Variants in THBS2 observed in about 807,000 individuals in gnomAD.
THBS2 encodes thrombospondin 2.
Under a neutral mutation model 135.2 loss-of-function variants are expected in THBS2, and 47 were observed. That is an observed-to-expected ratio of 0.35 (90% CI 0.28 to 0.44). THBS2 has a LOEUF of 0.44. Among genes scored for constraint, THBS2 ranks in the 20% least tolerant of loss-of-function variants. THBS2 has a pLI of 1.00. For synonymous variants in THBS2, 639 were observed against 633.8 expected, an observed-to-expected ratio of 1.01 and a Z score of -0.12; for missense variants, 1,288 against 1,603.1, an observed-to-expected ratio of 0.80 and a Z score of 3.36.
rs9505950 is a variant in THBS2 at position 169,222,817 on chromosome 6, G to A, written c.3002-349C>T. Among the ~76,000 whole-genome samples, 439 of 126,856 alleles carry A rather than the reference G, an allele frequency of 3.5e-3. 2 individuals carry two copies. The highest frequency in any genetic ancestry group is 0.012 in the African/African-American group (418 of 34,364). The allele number at this position is 126,856 out of a possible 152,430, so 83.2% of individuals were successfully genotyped here. A position where few individuals can be genotyped will look rare whatever the true frequency, so the allele number is the denominator to read the frequency against. ...CTCAAAAAAAAAAAAAGAAAAAAAA[G>A]AAAAAAAAAAGAAACAGGTTTCAGG... On this transcript the variant is annotated intron_variant, in intron 18 of 21. Coordinates refer to ENST00000617924, the MANE Select transcript of THBS2 (RefSeq NM_003247.5).
In THBS2 at chr6:169,252,305, T is replaced by A. The variant is rs1038450756; in HGVS notation, c.-23+1419A>T. 1.3e-5 allele frequency among the ~76,000 whole-genome samples: 2 copies of A among 152,102 alleles called. No homozygotes were observed. Among genetic ancestry groups the A allele is most frequent in the Non-Finnish European group, 2.9e-5 (2 of 68,018 alleles). The stretch of plus-strand genomic sequence containing the variant: ...AGCTTAGAACAGTACCTGCATGCAG[T>A]AAGCACCACAGAACGGTGTTAGAAT... On this transcript the variant is annotated intron_variant, in intron 1 of 21. Coordinates refer to ENST00000617924, the MANE Select transcript of THBS2 (RefSeq NM_003247.5). This position sits in a 1 kb window ranked among gnomAD's most constrained non-coding sequence, Gnocchi z 4.3.
intron 1 of THBS2, 67 bp downstream of exon 1, chr6:169,253,657 G>A (rs1190935881): frequency 6.6e-6 from 1 of 152,160 alleles, no homozygotes; most frequent in Non-Finnish European, 1.5e-5. Flanking sequence ...CTTAGAGTTC[G>A]AGAACTCTAA....
chr6:169,218,636 A>C (rs1470397150), intron 21 of THBS2, among the ~76,000 whole-genome samples: 7 of 88,504 alleles, frequency 7.9e-5, no homozygotes, highest in Admixed American at 7.3e-4. Context: ...GATGGATGAG[A>C]TGGATGGTTG....
chr6:169,239,847 T>G (rs966370724), intron 6 of THBS2, 152 bp from the exon 7 acceptor site: 7 of 654,100 alleles, frequency 1.1e-5, no homozygotes, highest in Non-Finnish European at 1.8e-5. Flanking sequence ...GGGCATCTTT[T>G]TCTCCCATTA....
chr6:169,236,396 A>C, intron 9 of THBS2, among the ~76,000 whole-genome samples: 1 of 73,012 alleles, frequency 1.4e-5, no homozygotes, highest in Non-Finnish European at 2.6e-5. Flanking sequence ...CCCCATCCAC[A>C]CTCATTCCCC....
Position 169,234,836 on chromosome 6 carries a change from G to T in THBS2, c.1549C>A (p.Arg517Ser), listed in dbSNP as rs762558916. ...TVTCAGGIRE[R>S]TRVCNSPEPQ... is the part of the protein sequence containing the mutation. The stretch of plus-strand genomic sequence containing the variant: ...TCAGGGCTGTTGCAGACCCGGGTGC[G>T]CTCCCGGATCCCACCGGCACAGGTG... The change falls in exon 10 of 22, where the codon CGC (arginine) becomes AGC (serine). Residue 517 changes from arginine (R) to serine (S), a missense_variant. By Grantham distance (110) the Arg-to-Ser change is moderately radical. Coordinates refer to ENST00000617924, the MANE Select transcript of THBS2 (RefSeq NM_003247.5). 1 of 1,613,052 alleles carries T rather than the reference G, an allele frequency of 6.2e-7. No individual in the cohort carries two copies. Among genetic ancestry groups the T allele is most frequent in the South Asian group, 1.1e-5 (1 of 91,002 alleles).
intron 7 of THBS2, among the ~76,000 whole-genome samples, chr6:169,238,365 C>A (rs1401376238): frequency 1.3e-5 from 2 of 152,096 alleles, no homozygotes; most frequent in Non-Finnish European, 2.9e-5. Flanking sequence ...CAACCTGACG[C>A]CAGAAATCAT....
rs1780309129 is a variant in THBS2 at position 169,241,789 on chromosome 6, G to A, written c.864C>T (p.Asn288=). Residue 288 remains asparagine (N), a synonymous_variant, in exon 5 of 22, where the codon AAC becomes AAT. Transcript: ENST00000617924. The surrounding 1 kb of genome is among the most constrained non-coding windows in gnomAD (Gnocchi z 5.5). ...QELSGLHVLV[N]QLSENLKRVS... is the part of the protein sequence containing the mutation. ...CTCTCTTGAGGTTCTCGCTGAGCTG[G>A]TTCACGAGGACGTGGAGCCCCGAGA... 1.2e-6 allele frequency: 2 copies of A among 1,611,356 alleles called. No homozygotes were observed. Among genetic ancestry groups the A allele is most frequent in the South Asian group, 2.2e-5 (2 of 90,984 alleles).
At chr6:169,231,890 G>A (rs1779847604) in intron 13 of THBS2, 90 bp downstream of exon 13, 2 of 1,394,534 alleles carry the variant, frequency 1.4e-6, no homozygotes, top group Non-Finnish European at 9.7e-7. Flanking sequence ...TCCCTGTGCT[G>A]CCCCCGCCCC....
rs902478120 is a variant in THBS2, at chr6:169,241,161, C to T, written c.892-569G>A. 1.3e-5 allele frequency among the ~76,000 whole-genome samples: 2 copies of T among 152,102 alleles called. No homozygotes were observed. The highest frequency in any genetic ancestry group is 2.9e-5 in the Non-Finnish European group (2 of 68,034). ...ACGAGTGACAGTCAGCATCACTGCA[C>T]CCTGGTTAGCCATGTGTATGTTGTG... is the stretch of plus-strand genomic sequence containing the variant. On this transcript the variant is annotated intron_variant, in intron 5 of 21. Coordinates refer to ENST00000617924, the MANE Select transcript of THBS2 (RefSeq NM_003247.5). The surrounding 1 kb of genome is among the most constrained non-coding windows in gnomAD (Gnocchi z 5.5).
intron 17 of THBS2, among the ~76,000 whole-genome samples, chr6:169,224,606 C>A (rs78109196): frequency 0.095 from 14,393 of 152,226 alleles, 750 homozygotes; most frequent in South Asian, 0.12. Context: ...CACAGCTGTG[C>A]CCTTGTTTAT....
intron 20 of THBS2, among the ~76,000 whole-genome samples, chr6:169,220,686 T>C (rs1779392781): frequency 6.6e-6 from 1 of 152,204 alleles, no homozygotes; most frequent in South Asian, 2.1e-4. Flanking sequence ...TACTTCACCT[T>C]GTGCTAAAAC....
intron 3 of THBS2, among the ~76,000 whole-genome samples, 193 bp downstream of exon 3, chr6:169,248,224 G>A (rs987894478): frequency 2.0e-5 from 3 of 152,010 alleles, no homozygotes; most frequent in Non-Finnish European, 4.4e-5. Flanking sequence ...CTGTGGCTGC[G>A]TGTGGTGGGC....
In THBS2 at chr6:169,223,759, C is replaced by T. The variant is rs74674117; in HGVS notation, c.2774-284G>A. ...AAGCCATTTCTCACCGTGTTCCAAA[C>T]TCAATGCTGCAGGTATAAAACCTGA... On this transcript the variant is annotated intron_variant, in intron 17 of 21. Coordinates refer to ENST00000617924, the MANE Select transcript of THBS2 (RefSeq NM_003247.5). Among the ~76,000 whole-genome samples the T allele has an allele frequency of 3.9e-5, 6 of 152,328 alleles. No individual in the cohort carries two copies. The East Asian group carries it at 1.2e-3, about 29-fold the overall frequency.
At chr6:169,225,095 T>A in intron 17 of THBS2, 50 bp downstream of exon 17, 1 of 1,576,152 alleles carries the variant, frequency 6.3e-7, no homozygotes, top group Non-Finnish European at 8.7e-7. Flanking sequence ...CCCTGGCGGG[T>A]TGCTCAGAAG....
chr6:169,240,715 C>T, intron 5 of THBS2, 123 bp from the exon 6 acceptor site: 1 of 1,283,188 alleles, frequency 7.8e-7, no homozygotes, highest in Non-Finnish European at 1.1e-6. Flanking sequence ...TAAGACTTGA[C>T]TCATCCCTGG....
rs201343909 is a variant in THBS2 at position 169,228,123 on chromosome 6, G to A, written c.2418C>T (p.Asp806=). 94 of 1,608,436 alleles carry A rather than the reference G, an allele frequency of 5.8e-5. No individual in the cohort carries two copies. The highest frequency in any genetic ancestry group is 7.7e-5 in the Non-Finnish European group (91 of 1,178,542). The part of the protein sequence containing the change: ...GDACSVDIDG[D]DVFNERDNCP... ...ATGGGAAGGAGCAGAAGCACCCACC[G>A]TCCCCATCAATGTCCACGGAGCAGG... The change falls in exon 15 of 22, where the codon GAC becomes GAT. Residue 806 remains aspartate (D), a splice_region_variant and synonymous_variant. Coordinates refer to ENST00000617924, the MANE Select transcript of THBS2 (RefSeq NM_003247.5).
rs376187789 is a variant in THBS2 at position 169,223,231 on chromosome 6, G to A, written c.3001+17C>T. 5.5e-5 allele frequency: 88 copies of A among 1,603,040 alleles called. No individual in the cohort carries two copies. The East Asian group carries it at 1.5e-3, about 28-fold the overall frequency. ...CCGGAGAAATGCTGGCACCACCGCCGTGTCTCAGAGACTCACCTACAGCGA... is the reference window on the plus strand; with the variant it reads ...CCGGAGAAATGCTGGCACCACCGCCATGTCTCAGAGACTCACCTACAGCGA... On this transcript the variant is annotated intron_variant, in intron 18 of 21. Transcript: ENST00000617924.
At chr6:169,219,320 A>G (rs1429347126) in intron 21 of THBS2, among the ~76,000 whole-genome samples, 9 of 48,648 alleles carry the variant, frequency 1.9e-4, no homozygotes, top group Admixed American at 2.7e-4. Flanking sequence ...GATGGATGAG[A>G]TGGGTGGGTG....
Sources: gnomAD v4.1 joint callset for allele counts (sites outside exome capture counted in the v4.1 genomes callset) on GRCh38, gnomAD v4.1.1 for gene constraint, Gnocchi (gnomAD v3.1) non-coding constraint, MANE v1.5 for transcripts, NCBI Gene and HGNC (gene_info 2026-07-23, HGNC 2026-07-21) for gene names.